Variants in RORA observed in about 807,000 individuals in gnomAD.
The protein encoded by RORA is RAR related orphan receptor A.
RORA carries 7 observed loss-of-function variants against 69.5 expected under a neutral mutation model. The observed-to-expected ratio is 0.10, with a 90% CI of 0.06 to 0.19. RORA has a LOEUF of 0.19. RORA is among the 10% of genes least tolerant of loss of function. The probability of loss-of-function intolerance (pLI) is 1.00; values close to 1 mark genes in which losing one functional copy is unlikely to be tolerated. For synonymous variants in RORA, 261 were observed against 240.8 expected, an observed-to-expected ratio of 1.08 and a Z score of -0.78; for missense variants, 457 against 663.0, an observed-to-expected ratio of 0.69 and a Z score of 3.41.
intron 4 of RORA, among the ~76,000 whole-genome samples, chr15:60,513,106 T>G (rs758083471): frequency 6.6e-6 from 1 of 152,198 alleles, no homozygotes; most frequent in African/African-American, 2.4e-5. Flanking sequence ...GGTGAATTCT[T>G]TTCTTGCCAA....
At chr15:60,620,250 T>C (rs2069368722) in intron 2 of RORA, among the ~76,000 whole-genome samples, 2 of 152,062 alleles carry the variant, frequency 1.3e-5, no homozygotes, top group Admixed American at 1.3e-4. Flanking sequence ...GAAAATAACA[T>C]AGAAAATGTG....
intron 2 of RORA, among the ~76,000 whole-genome samples, chr15:60,667,462 T>G (rs1434457590): frequency 1.3e-5 from 2 of 152,142 alleles, no homozygotes; most frequent in Non-Finnish European, 2.9e-5. Context: ...TTCTTTATGT[T>G]AAATACATCA....
At chr15:60,982,478 T>G (rs1215720623) in intron 1 of RORA, among the ~76,000 whole-genome samples, 1 of 152,210 alleles carries the variant, frequency 6.6e-6, no homozygotes, top group Non-Finnish European at 1.5e-5. Flanking sequence ...GTTTAGACCG[T>G]GCTCCCTTGG....
At chr15:60,803,774 T>A (rs368615655) in intron 1 of RORA, among the ~76,000 whole-genome samples, 3 of 152,302 alleles carry the variant, frequency 2.0e-5, no homozygotes, top group East Asian at 3.9e-4. Flanking sequence ...ACAACCCCCA[T>A]GATATCCCTA....
intron 1 of RORA, among the ~76,000 whole-genome samples, chr15:60,790,963 G>A (rs1406562278): frequency 2.6e-5 from 4 of 151,616 alleles, no homozygotes; most frequent in African/African-American, 7.3e-5. Flanking sequence ...CCCTAGAAAC[G>A]CCCCCCCATT....
chr15:60,650,824 T>C (rs2070132025), intron 2 of RORA: 1 of 152,222 alleles, frequency 6.6e-6, no homozygotes, highest in African/African-American at 2.4e-5. Context: ...ATCTATTTAG[T>C]TTTCAATTCT....
At chr15:61,140,185 G>C (rs141780601) in intron 1 of RORA, among the ~76,000 whole-genome samples, 4 of 152,290 alleles carry the variant, frequency 2.6e-5, no homozygotes, top group African/African-American at 9.6e-5. Flanking sequence ...TGCAAAGACA[G>C]AGGAAGAAAA....
At chr15:60,936,252 G>T (rs1457886201) in intron 1 of RORA, among the ~76,000 whole-genome samples, 1 of 152,214 alleles carries the variant, frequency 6.6e-6, no homozygotes, top group Non-Finnish European at 1.5e-5. Context: ...GACTTGCCTT[G>T]CTCCTTACAG....
intron 2 of RORA, among the ~76,000 whole-genome samples, chr15:60,644,466 A>G (rs977240937): frequency 6.6e-6 from 1 of 152,242 alleles, no homozygotes; most frequent in Non-Finnish European, 1.5e-5. Context: ...CTTCATTAGA[A>G]GGGCAACTTC....
rs569547558 is a variant in RORA, at chr15:60,511,039, G to A, written c.820+187C>T. Among the ~76,000 whole-genome samples, 32 of 152,326 alleles carry A rather than the reference G, an allele frequency of 2.1e-4. No individual in the cohort carries two copies. Among genetic ancestry groups the A allele is most frequent in the African/African-American group, 5.1e-4 (21 of 41,582 alleles). On this transcript the variant is annotated intron_variant, in intron 5 of 10. Transcript: ENST00000335670. The surrounding 1 kb of genome is among the most constrained non-coding windows in gnomAD (Gnocchi z 6.4). ...TTCTAATGCTGAGAGGTCAATGCATGTATTGGATAAACCATGGGAAACAGC... is the reference window on the plus strand; with the variant it reads ...TTCTAATGCTGAGAGGTCAATGCATATATTGGATAAACCATGGGAAACAGC...
intron 1 of RORA, among the ~76,000 whole-genome samples, chr15:61,194,674 A>G (rs1425795521): frequency 6.6e-6 from 1 of 152,160 alleles, no homozygotes; most frequent in African/African-American, 2.4e-5. Flanking sequence ...TGAATGCAAC[A>G]TTGTACATTT....
chr15:60,904,189 C>T (rs1595805778), intron 1 of RORA, among the ~76,000 whole-genome samples: 1 of 152,214 alleles, frequency 6.6e-6, no homozygotes, highest in Non-Finnish European at 1.5e-5. Flanking sequence ...TAAGATATAT[C>T]CTGGGTTTTA....
chr15:61,219,391 G>A (rs1178462286), intron 1 of RORA, among the ~76,000 whole-genome samples: 3 of 152,106 alleles, frequency 2.0e-5, no homozygotes, highest in Middle Eastern at 3.2e-3. Context: ...TGGCGAACAC[G>A]GTGAAACCCT....
At chr15:60,775,892 C>T (rs375804334) in intron 1 of RORA, among the ~76,000 whole-genome samples, 2 of 152,234 alleles carry the variant, frequency 1.3e-5, no homozygotes, top group East Asian at 1.9e-4. Context: ...GAATACAATG[C>T]GGCAGGGGAA....
chr15:60,510,152 G>A (rs144471242), intron 5 of RORA, among the ~76,000 whole-genome samples: 128 of 152,266 alleles, frequency 8.4e-4, no homozygotes, highest in African/African-American at 2.9e-3. Context: ...TTTCTTTTCC[G>A]TCTGAAGTCT....
intron 3 of RORA, among the ~76,000 whole-genome samples, chr15:60,517,190 T>A (rs141771416): frequency 6.6e-6 from 1 of 151,898 alleles, no homozygotes; most frequent in East Asian, 1.9e-4. Context: ...CTGCCTTCCT[T>A]TGTAATGGCT....
At chr15:60,995,734 A>C (rs1418296468) in intron 1 of RORA, among the ~76,000 whole-genome samples, 5 of 152,228 alleles carry the variant, frequency 3.3e-5, no homozygotes, top group Non-Finnish European at 7.3e-5. Context: ...AAGACAGTGA[A>C]GGCTTCTTTG....
chr15:61,063,216 G>C (rs1167561889), intron 1 of RORA, among the ~76,000 whole-genome samples: 1 of 152,162 alleles, frequency 6.6e-6, no homozygotes, highest in Admixed American at 6.5e-5. Context: ...TGGAGCTGCT[G>C]ATGTTCCTAA....
chr15:60,549,530 T>C (rs2067170476), intron 2 of RORA, among the ~76,000 whole-genome samples: 1 of 152,098 alleles, frequency 6.6e-6, no homozygotes, highest in Non-Finnish European at 1.5e-5. Flanking sequence ...ATGTTTGTCA[T>C]ACTTCTTACA....
Sources: allele counts gnomAD v4.1 joint callset (sites outside exome capture counted in the v4.1 genomes callset), GRCh38; gene constraint gnomAD v4.1.1; non-coding constraint Gnocchi (gnomAD v3.1); transcripts MANE v1.5; gene names NCBI Gene and HGNC (gene_info 2026-07-23, HGNC 2026-07-21).